Variants in GRHL1 observed in about 807,000 individuals in gnomAD.
GRHL1 encodes the protein grainyhead-like protein 1 homolog.
A neutral mutation model predicts 75.7 loss-of-function variants in GRHL1; 38 were observed. The ratio of observed to expected loss-of-function variants is 0.50; its 90% CI spans 0.39 to 0.66. The LOEUF is 0.66. Among genes scored for constraint, GRHL1 ranks in the 30% least tolerant of loss-of-function variants. The probability of loss-of-function intolerance (pLI) is 0.00; values close to 1 mark genes in which losing one functional copy is unlikely to be tolerated. For missense variants in GRHL1, 589 were observed against 767.5 expected, an observed-to-expected ratio of 0.77 and a Z score of 2.75; for synonymous variants, 266 against 279.4, an observed-to-expected ratio of 0.95 and a Z score of 0.48.
chr2:9,960,801 G>T, intron 3 of GRHL1: 1 of 444,832 alleles, frequency 2.2e-6, no homozygotes, highest in Non-Finnish European at 4.0e-6. Context: ...AGTAAAGCTT[G>T]TTAGAGGAGA....
chr2:9,979,231 A>G (rs1345967381), intron 8 of GRHL1, among the ~76,000 whole-genome samples: 13 of 119,558 alleles, frequency 1.1e-4, no homozygotes, highest in Non-Finnish European at 1.7e-4. Context: ...TAAATGTTCA[A>G]TCTTTTTTTT....
Position 9,958,786 on chromosome 2 carries a change from G to T in GRHL1, c.208G>T (p.Val70Phe), listed in dbSNP as rs1667147669. The T allele has an allele frequency of 6.2e-7, 1 of 1,612,362 alleles. No individual in the cohort carries two copies. Among genetic ancestry groups the T allele is most frequent in the Non-Finnish European group, 8.5e-7 (1 of 1,178,468 alleles). ...ALGLLYDYYKVPRERRSSTAK... is the reference protein window; with the variant it reads ...ALGLLYDYYKFPRERRSSTAK... ...TTCTTTTCATGTGTGCTAATATCAGGTTCCAAGAGAGAGAAGGTCATCAAC... is the reference window on the plus strand; with the variant it reads ...TTCTTTTCATGTGTGCTAATATCAGTTTCCAAGAGAGAGAAGGTCATCAAC... Residue 70 changes from valine (V) to phenylalanine (F), a missense_variant and splice_region_variant, in exon 3 of 16, where the codon GTT becomes TTT. Physicochemically the swap from Val to Phe is conservative, Grantham distance 50. Around this residue, in one of 5 missense-constraint regions of GRHL1, gnomAD observed 362 missense variants for 461.8 expected, o/e 0.78. Transcript: ENST00000324907.
At chr2:9,958,174 C>CTTTTTTTTTT (rs61051898) in intron 2 of GRHL1, among the ~76,000 whole-genome samples, 5 of 130,758 alleles carry the variant, frequency 3.8e-5, no homozygotes, top group African/African-American at 8.7e-5. Flanking sequence ...TTCTTTTTTT[C>CTTTTTTTTTT]TTTTTTTTTT....
At chr2:9,997,193 C>T (rs1408637415) in intron 14 of GRHL1, among the ~76,000 whole-genome samples, 1 of 152,160 alleles carries the variant, frequency 6.6e-6, no homozygotes, top group Non-Finnish European at 1.5e-5. Flanking sequence ...CTGTGGCGGG[C>T]ACTGGAGTTA....
Position 9,965,321 on chromosome 2 carries a change from C to T in GRHL1, c.1050C>T (p.Asn350=). 1 of 1,611,112 alleles carries T rather than the reference C, an allele frequency of 6.2e-7. No individual in the cohort carries two copies. Among genetic ancestry groups the T allele is most frequent in the Non-Finnish European group, 8.5e-7 (1 of 1,177,234 alleles). The change falls in exon 8 of 16, where the codon AAC becomes AAT. Residue 350 remains asparagine (N), a synonymous_variant. Transcript: ENST00000324907. The part of the protein sequence containing the change: ...DYKESFNTIS[N]IEEIAYNAIS... ...AAGAAAGCTTCAACACTATCAGTAACATCGAGGAGATTGCGTATAACGCCA... is the reference window on the plus strand; with the variant it reads ...AAGAAAGCTTCAACACTATCAGTAATATCGAGGAGATTGCGTATAACGCCA...
intron 1 of GRHL1, among the ~76,000 whole-genome samples, chr2:9,952,617 G>T (rs779498949): frequency 6.6e-6 from 1 of 151,930 alleles, no homozygotes; most frequent in Non-Finnish European, 1.5e-5. Context: ...AGGTGGTAGT[G>T]TAATAAGGCA....
At chr2:9,986,634 T>C (rs548622423) in intron 9 of GRHL1, among the ~76,000 whole-genome samples, 2 of 152,116 alleles carry the variant, frequency 1.3e-5, no homozygotes, top group African/African-American at 4.8e-5. Flanking sequence ...CCCAGGCTGG[T>C]CTCCAACTCC....
chr2:9,966,718 T>A (rs1667510236), intron 8 of GRHL1, among the ~76,000 whole-genome samples: 1 of 152,060 alleles, frequency 6.6e-6, no homozygotes, highest in African/African-American at 2.4e-5. Context: ...ATGTTCTGCT[T>A]GTATTATAAT....
rs559406217 is a variant in GRHL1 at position 10,000,892 on chromosome 2, G to C, written c.*185G>C. 4.4e-6 allele frequency: 2 copies of C among 451,626 alleles called. No homozygotes were observed. Among genetic ancestry groups the C allele is most frequent in the African/African-American group, 4.0e-5 (2 of 50,288 alleles). The allele number at this position is 451,626 out of a possible 1,614,324, so 28.0% of individuals were successfully genotyped here. ...GTGGTAGCATTTAATCTATTGCATT[G>C]GTGTTTTTCAGATGAAAGAGAAATC... On this transcript the variant is annotated 3_prime_UTR_variant, in exon 16 of 16. Transcript: ENST00000324907.
intron 2 of GRHL1, among the ~76,000 whole-genome samples, chr2:9,956,128 T>TA (rs1667013085): frequency 6.6e-6 from 1 of 152,238 alleles, no homozygotes; most frequent in African/African-American, 2.4e-5. Context: ...CTTTTTGTTT[T>TA]AAAAACTTTC....
rs781351226 is a variant in GRHL1, at chr2:9,955,119, T to TAAA, written c.207+20_207+22dup. On this transcript the variant is annotated intron_variant, in intron 2 of 15. Coordinates refer to ENST00000324907, the MANE Select transcript of GRHL1 (RefSeq NM_198182.3). ...ACTACAAGGTGGGTTTGCCTGCCTT[T>TAAA]AAAACCCTTAACAGCAGTCTCCAAT... 6.4e-7 allele frequency: 1 copy of TAAA among 1,561,014 alleles called. No homozygotes were observed. Among genetic ancestry groups the TAAA allele is most frequent in the African/African-American group, 1.4e-5 (1 of 73,522 alleles).
rs1298410912 is a variant in GRHL1, at chr2:9,998,566, G to GTA, written c.1678-390_1678-389dup. Among the ~76,000 whole-genome samples, 22 of 37,574 alleles carry GTA rather than the reference G, an allele frequency of 5.9e-4. 5 individuals are homozygous for GTA. The highest frequency in any genetic ancestry group is 3.5e-3 in the African/African-American group (17 of 4,886). The allele number at this position is 37,574 out of a possible 152,430, so 24.7% of individuals were successfully genotyped here. ...TACATATGTATATATGTGTGTACAT[G>GTA]TATATATATACATATGTACATATAT... On this transcript the variant is annotated intron_variant, in intron 14 of 15. Transcript: ENST00000324907.
intron 10 of GRHL1, among the ~76,000 whole-genome samples, chr2:9,991,044 C>T (rs565312998): frequency 1.1e-4 from 16 of 152,120 alleles, no homozygotes; most frequent in Non-Finnish European, 2.1e-4. Flanking sequence ...AATGACAACA[C>T]GTTCTGCATG....
intron 8 of GRHL1, among the ~76,000 whole-genome samples, chr2:9,967,548 C>T (rs1459081906): frequency 6.6e-6 from 1 of 152,178 alleles, no homozygotes; most frequent in Non-Finnish European, 1.5e-5. Flanking sequence ...CCCTTTCAGA[C>T]CCCCAGCACT....
At chr2:9,960,818 A>G (rs1461237154) in intron 3 of GRHL1, 2 of 496,628 alleles carry the variant, frequency 4.0e-6, no homozygotes, top group Admixed American at 7.0e-5. Flanking sequence ...GAGAGCTCTG[A>G]GCCCTTAGTA....
In GRHL1 at chr2:9,997,832, C is replaced by A. The variant is rs1050411878; in HGVS notation, c.1678-1133C>A. ...AGACTCCGTCTCAAAAAAAAAAAAA[C>A]AACAAAAAACAAACAAACAAAAAAC... On this transcript the variant is annotated intron_variant, in intron 14 of 15. Transcript: ENST00000324907. Among the ~76,000 whole-genome samples, 569 of 148,166 alleles carry A rather than the reference C, an allele frequency of 3.8e-3. 4 individuals carry two copies. The highest frequency in any genetic ancestry group is 0.012 in the African/African-American group (502 of 40,318).
intron 1 of GRHL1, among the ~76,000 whole-genome samples, chr2:9,953,758 T>C (rs1666899846): frequency 6.6e-6 from 1 of 152,232 alleles, no homozygotes; most frequent in Admixed American, 6.5e-5. Flanking sequence ...TCAGTCTTTC[T>C]ACATTCACTT....
intron 5 of GRHL1, among the ~76,000 whole-genome samples, chr2:9,963,151 T>C (rs1347157763): frequency 2.0e-5 from 3 of 152,148 alleles, no homozygotes. Context: ...GATGCAGGAG[T>C]CCCAAATGGA....
chr2:9,995,365 G>A (rs73162261), intron 12 of GRHL1: 1 of 152,428 alleles, frequency 6.6e-6, no homozygotes, highest in Non-Finnish European at 1.5e-5. Context: ...GCCAAGGTAG[G>A]AAGATCGCTT....
Sources: gnomAD v4.1 joint callset for allele counts (sites outside exome capture counted in the v4.1 genomes callset) on GRCh38, gnomAD v4.1.1 for gene constraint, gnomAD v4.1.1 regional missense constraint, MANE v1.5 for transcripts, NCBI Gene and HGNC (gene_info 2026-07-23, HGNC 2026-07-21) for gene names.